The following SLC1A1 variants were observed in gnomAD, a reference collection of about 807,000 sequenced individuals.
The protein encoded by SLC1A1 is excitatory amino acid transporter 3.
Under a neutral mutation model 53.3 loss-of-function variants are expected in SLC1A1, and 43 were observed. That is an observed-to-expected ratio of 0.81 (90% CI 0.63 to 1.04). The LOEUF (loss-of-function observed/expected upper bound fraction) is 1.04, where lower values mean the gene tolerates loss of function less well. SLC1A1 is among the 50% of genes least tolerant of loss of function. The probability of loss-of-function intolerance (pLI) is 0.00; values close to 1 mark genes in which losing one functional copy is unlikely to be tolerated. For synonymous variants in SLC1A1, 307 were observed against 243.2 expected (o/e 1.26, Z -2.44); for missense variants, 748 against 664.9 (o/e 1.12, Z -1.37).
chr9:4,536,981 G>C (rs1320122888), intron 1 of SLC1A1, among the ~76,000 whole-genome samples: 2 of 152,018 alleles, frequency 1.3e-5, no homozygotes, highest in Non-Finnish European at 2.9e-5. Flanking sequence ...CTCACAGGTG[G>C]GAATTGAACA....
chr9:4,567,570 ACT>A (rs2129730357), intron 5 of SLC1A1, 97 bp from the exon 6 acceptor site: 5 of 754,192 alleles, frequency 6.6e-6, no homozygotes, highest in South Asian at 4.4e-5. Flanking sequence ...CTTCAGTGGC[ACT>A]GTTTGGCCAA....
Position 4,550,603 on chromosome 9 carries a change from C to A in SLC1A1, c.232+5896C>A, listed in dbSNP as rs79398989. On this transcript the variant is annotated intron_variant, in intron 2 of 11. Transcript: ENST00000262352. ...ATAGGGTCTTGATATATTGCCAGGG[C>A]TGGTCTCAAACTCCTGGCCTCAAGT... 3.1e-3 allele frequency among the ~76,000 whole-genome samples: 473 copies of A among 152,220 alleles called. 2 individuals are homozygous for A. Among genetic ancestry groups the A allele is most frequent in the Non-Finnish European group, 5.7e-3 (387 of 68,010 alleles).
At chr9:4,535,072 C>G (rs1178355071) in intron 1 of SLC1A1, among the ~76,000 whole-genome samples, 6 of 152,082 alleles carry the variant, frequency 3.9e-5, no homozygotes, top group Non-Finnish European at 8.8e-5. Flanking sequence ...ATAATAAGAG[C>G]TATCTATGAC....
chr9:4,558,739 T>C (rs1466513925), intron 2 of SLC1A1, among the ~76,000 whole-genome samples: 5 of 152,008 alleles, frequency 3.3e-5, no homozygotes, highest in Non-Finnish European at 5.9e-5. Flanking sequence ...ACCAAACACA[T>C]CCCCGAGAAC....
chr9:4,512,558 G>T (rs536711854), intron 1 of SLC1A1, among the ~76,000 whole-genome samples: 2 of 152,000 alleles, frequency 1.3e-5, no homozygotes, highest in African/African-American at 4.8e-5. Flanking sequence ...AAAGGCATTA[G>T]AAGAGCTAAA....
intron 3 of SLC1A1, among the ~76,000 whole-genome samples, chr9:4,564,094 T>TAC (rs36046227): frequency 5.9e-5 from 9 of 151,580 alleles, no homozygotes; most frequent in Admixed American, 4.6e-4. Context: ...AAAACACACA[T>TAC]ACACACACAC....
chr9:4,506,487 C>T (rs1425161917), intron 1 of SLC1A1, among the ~76,000 whole-genome samples: 1 of 151,914 alleles, frequency 6.6e-6, no homozygotes, highest in Non-Finnish European at 1.5e-5. Context: ...AAATAGCATG[C>T]CTGGGTCTCC....
rs558903092 is a variant in SLC1A1, at chr9:4,556,302, G to A, written c.233-5147G>A. Among the ~76,000 whole-genome samples, 1 of 152,176 alleles carries A rather than the reference G, an allele frequency of 6.6e-6. No individual in the cohort carries two copies. Among genetic ancestry groups the A allele is most frequent in the African/African-American group, 2.4e-5 (1 of 41,434 alleles). ...CCCAAAGTGCTGGGATTACCGGCGTGAGCCACTACGCCCCGCCCCTATCTT... is the reference window on the plus strand; with the variant it reads ...CCCAAAGTGCTGGGATTACCGGCGTAAGCCACTACGCCCCGCCCCTATCTT... On this transcript the variant is annotated intron_variant, in intron 2 of 11. Transcript: ENST00000262352. The surrounding 1 kb of genome is among the most constrained non-coding windows in gnomAD (Gnocchi z 4.1).
rs1821643046 is a variant in SLC1A1 at position 4,587,417 on chromosome 9, A to G, written c.*1859A>G. On this transcript the variant is annotated 3_prime_UTR_variant, in exon 12 of 12. Transcript: ENST00000262352. ...TCTTAACACACTGCTGTTAACTCAT[A>G]AAAGAGAAGAGTGTTCCATTTCAGT... 6.6e-6 allele frequency: 1 copy of G among 152,186 alleles called. No homozygotes were observed. Among genetic ancestry groups the G allele is most frequent in the South Asian group, 2.1e-4 (1 of 4,828 alleles). The allele number at this position is 152,186 out of a possible 1,614,324, so 9.4% of individuals were successfully genotyped here.
At chr9:4,574,527 G>A (rs1820365515) in intron 8 of SLC1A1, among the ~76,000 whole-genome samples, 1 of 152,156 alleles carries the variant, frequency 6.6e-6, no homozygotes, top group African/African-American at 2.4e-5. Flanking sequence ...CAGAGAGGGT[G>A]CCAGGAGAAT....
chr9:4,502,682 A>G (rs1430495554), intron 1 of SLC1A1, among the ~76,000 whole-genome samples: 1 of 151,782 alleles, frequency 6.6e-6, no homozygotes. Context: ...GTCTGATTCC[A>G]AAGCTTAGGT....
At chr9:4,506,275 A>G (rs907968229) in intron 1 of SLC1A1, among the ~76,000 whole-genome samples, 3 of 152,206 alleles carry the variant, frequency 2.0e-5, no homozygotes, top group Non-Finnish European at 4.4e-5. Flanking sequence ...ATGAAATTCT[A>G]TCCTGCCAGT....
Position 4,576,075 on chromosome 9 carries a change from C to G in SLC1A1, c.950C>G (p.Ala317Gly). Reference sequence around the variant, plus strand: ...GTACGAAAGAACCCTTTCCGATTTGCCATGGGAATGGCCCAGGCTCTCCTG... The same window carrying G: ...GTACGAAAGAACCCTTTCCGATTTGGCATGGGAATGGCCCAGGCTCTCCTG... The part of the protein sequence containing the change: ...IVVRKNPFRF[A>G]MGMAQALLTA... The change falls in exon 9 of 12, where the codon GCC (alanine) becomes GGC (glycine). Residue 317 changes from alanine to glycine, a missense_variant. Transcript: ENST00000262352. 1 of 1,613,470 alleles carries G rather than the reference C, an allele frequency of 6.2e-7. No homozygotes were observed. Among genetic ancestry groups the G allele is most frequent in the Non-Finnish European group, 8.5e-7 (1 of 1,179,372 alleles).
intron 1 of SLC1A1, among the ~76,000 whole-genome samples, chr9:4,497,185 C>G (rs1166192015): frequency 1.3e-5 from 2 of 152,020 alleles, no homozygotes; most frequent in Non-Finnish European, 2.9e-5. Flanking sequence ...AAGAACTGTT[C>G]TGAGTGCTAT....
intron 1 of SLC1A1, among the ~76,000 whole-genome samples, chr9:4,517,198 C>T (rs190933345): frequency 4.6e-5 from 7 of 152,278 alleles, no homozygotes; most frequent in Admixed American, 2.0e-4. Context: ...CACTCTCCAC[C>T]GTCCTCAATA....
Position 4,573,916 on chromosome 9 carries a change from A to C in SLC1A1, c.777A>C (p.Pro259=), listed in dbSNP as rs138986232. The part of the protein sequence containing the change: ...KIVQIIMCYM[P]LGILFLIAGK... ...TGTGCTTCCTTTCCAGTTATATGCC[A>C]CTAGGTATTTTGTTCCTGATTGCTG... Residue 259 remains proline (P), a synonymous_variant, in exon 8 of 12, where the codon CCA becomes CCC. Coordinates refer to ENST00000262352, the MANE Select transcript of SLC1A1 (RefSeq NM_004170.6). 55 of 1,607,244 alleles carry C rather than the reference A, an allele frequency of 3.4e-5. No individual in the cohort carries two copies. In the African/African-American group the frequency reaches 6.7e-4, roughly 20 times the overall value.
Position 4,570,870 on chromosome 9 carries a change from C to G in SLC1A1, c.583-1334C>G, listed in dbSNP as rs116917907. On this transcript the variant is annotated intron_variant, in intron 6 of 11. Coordinates refer to ENST00000262352, the MANE Select transcript of SLC1A1 (RefSeq NM_004170.6). ...GTTTGAGGCTGCAGTGAGCTATGATCATGCCACTGCACCCCAGCCTGGACA... is the reference window on the plus strand; with the variant it reads ...GTTTGAGGCTGCAGTGAGCTATGATGATGCCACTGCACCCCAGCCTGGACA... 7.7e-3 allele frequency among the ~76,000 whole-genome samples: 1,162 copies of G among 150,576 alleles called. 9 individuals carry two copies. Among genetic ancestry groups the G allele is most frequent in the Non-Finnish European group, 0.011 (766 of 67,742 alleles).
At position 4,583,882 on chromosome 9, in the gene SLC1A1, T is replaced by TCTCTCACA. The variant is rs1423949414; in HGVS notation, c.1328+711_1328+712insTCTCACAC. On this transcript the variant is annotated intron_variant, in intron 11 of 11. Transcript: ENST00000262352. This position sits in a 1 kb window ranked among gnomAD's most constrained non-coding sequence, Gnocchi z 4.6. ...CTCTCTCTCTCTCTCTCTCTCTCTC[T>TCTCTCACA]CACACACACACACACACACACACAC... Among the ~76,000 whole-genome samples, 112 of 137,042 alleles carry TCTCTCACA rather than the reference T, an allele frequency of 8.2e-4. No individual in the cohort carries two copies. The highest frequency in any genetic ancestry group is 3.2e-3 in the Admixed American group (44 of 13,922). The allele number at this position is 137,042 out of a possible 152,430, so 89.9% of individuals were successfully genotyped here.
In SLC1A1 at chr9:4,585,423, C is replaced by G; in HGVS notation, c.1440C>G (p.Asn480Lys). 1 of 1,614,230 alleles carries G rather than the reference C, an allele frequency of 6.2e-7. No homozygotes were observed. The highest frequency in any genetic ancestry group is 8.5e-7 in the Non-Finnish European group (1 of 1,180,036). ...AGATGGATGTTTCATCTGAAGTCAA[C>G]ATTGTGAATCCCTTTGCCTTGGAAT... is the stretch of plus-strand genomic sequence containing the variant. ...LEQMDVSSEV[N>K]IVNPFALEST... The change falls in exon 12 of 12, where the codon AAC becomes AAG. Residue 480 changes from asparagine to lysine, a missense_variant. Asn to Lys is a moderately conservative substitution (Grantham distance 94, BLOSUM62 0). Coordinates refer to ENST00000262352, the MANE Select transcript of SLC1A1 (RefSeq NM_004170.6).
Sources: allele counts gnomAD v4.1 joint callset (sites outside exome capture counted in the v4.1 genomes callset), GRCh38; gene constraint gnomAD v4.1.1; non-coding constraint Gnocchi (gnomAD v3.1); transcripts MANE v1.5; gene names NCBI Gene and HGNC (gene_info 2026-07-23, HGNC 2026-07-21).